PCSK2: variants seen among roughly 807,000 people sequenced by gnomAD.
The protein encoded by PCSK2 is neuroendocrine convertase 2.
Under a neutral mutation model 69.7 loss-of-function variants are expected in PCSK2, and 14 were observed. That is an observed-to-expected ratio of 0.20 (90% CI 0.13 to 0.31). The LOEUF (loss-of-function observed/expected upper bound fraction) is 0.31. Ranked by LOEUF, PCSK2 falls within the 10% of genes least tolerant of loss-of-function variation. The pLI, the probability that PCSK2 is intolerant of heterozygous loss-of-function variation, is 1.00. For missense variants in PCSK2, 544 were observed against 842.5 expected (o/e 0.65, Z 4.39); for synonymous variants, 307 against 320.7 (o/e 0.96, Z 0.46).
At chr20:17,251,472 C>T (rs1986976696) in intron 1 of PCSK2, among the ~76,000 whole-genome samples, 1 of 152,160 alleles carries the variant, frequency 6.6e-6, no homozygotes, top group Non-Finnish European at 1.5e-5. Flanking sequence ...GTTGGCTATG[C>T]CTTGAAGATC....
chr20:17,465,965 G>A (rs965293400), intron 11 of PCSK2, among the ~76,000 whole-genome samples: 4 of 152,106 alleles, frequency 2.6e-5, no homozygotes, highest in Non-Finnish European at 4.4e-5. Flanking sequence ...CACAATCCTC[G>A]GCCTGGATTT....
At chr20:17,444,372 T>C (rs936290851) in intron 8 of PCSK2, among the ~76,000 whole-genome samples, 2 of 152,246 alleles carry the variant, frequency 1.3e-5, no homozygotes, top group Non-Finnish European at 2.9e-5. Flanking sequence ...AAACATCACC[T>C]ACCTGACTCC....
chr20:17,381,788 G>A (rs1040498361), intron 5 of PCSK2, among the ~76,000 whole-genome samples: 1 of 152,046 alleles, frequency 6.6e-6, no homozygotes, highest in Non-Finnish European at 1.5e-5. Context: ...CACCCCACAA[G>A]CATACACACA....
chr20:17,335,177 A>G (rs527521763), intron 2 of PCSK2, among the ~76,000 whole-genome samples: 1 of 120,164 alleles, frequency 8.3e-6, no homozygotes, highest in Non-Finnish European at 1.8e-5. Flanking sequence ...ACTTGCAGTC[A>G]GACGGCAGCG....
Position 17,227,286 on chromosome 20 carries a change from C to G in PCSK2, c.-20C>G, listed in dbSNP as rs1985954462. On this transcript the variant is annotated 5_prime_UTR_variant, in exon 1 of 12. Coordinates refer to ENST00000262545, the MANE Select transcript of PCSK2 (RefSeq NM_002594.5). Reference sequence around the variant, plus strand: ...CCAGCCTGCGCGCCTCCTAGCACCACTTTTCACTCCCAAAGAAGGATGAAG... The same window carrying G: ...CCAGCCTGCGCGCCTCCTAGCACCAGTTTTCACTCCCAAAGAAGGATGAAG... 1 of 1,611,448 alleles carries G rather than the reference C, an allele frequency of 6.2e-7. No individual in the cohort carries two copies. Among genetic ancestry groups the G allele is most frequent in the Non-Finnish European group, 8.5e-7 (1 of 1,178,454 alleles).
chr20:17,403,855 G>A (rs531077144), intron 5 of PCSK2, among the ~76,000 whole-genome samples: 15 of 152,262 alleles, frequency 9.9e-5, no homozygotes, highest in Admixed American at 4.6e-4. Context: ...CCTTGAGGTC[G>A]GGTTTGTGCA....
intron 1 of PCSK2, among the ~76,000 whole-genome samples, chr20:17,259,387 G>C (rs1987293541): frequency 6.6e-6 from 1 of 152,190 alleles, no homozygotes; most frequent in Non-Finnish European, 1.5e-5. Flanking sequence ...AAAAGGGAGA[G>C]ATCTGGGAAC....
At chr20:17,242,608 C>A (rs922035373) in intron 1 of PCSK2, among the ~76,000 whole-genome samples, 1 of 152,170 alleles carries the variant, frequency 6.6e-6, no homozygotes, top group Non-Finnish European at 1.5e-5. Flanking sequence ...ATTGGTCTCT[C>A]GTTCTAAATG....
At chr20:17,322,188 T>C (rs1270042759) in intron 2 of PCSK2, among the ~76,000 whole-genome samples, 2 of 152,160 alleles carry the variant, frequency 1.3e-5, no homozygotes, top group Non-Finnish European at 2.9e-5. Flanking sequence ...TAATGGAGAA[T>C]GGTTTTAGGG....
chr20:17,324,075 AC>A (rs537611114), intron 2 of PCSK2, among the ~76,000 whole-genome samples: 73 of 152,330 alleles, frequency 4.8e-4, no homozygotes, highest in African/African-American at 1.5e-3. Flanking sequence ...TGTTTTCTGT[AC>A]TATTCCCAGA....
At chr20:17,319,459 A>G (rs532508043) in intron 2 of PCSK2, among the ~76,000 whole-genome samples, 1 of 152,154 alleles carries the variant, frequency 6.6e-6, no homozygotes, top group African/African-American at 2.4e-5. Flanking sequence ...TGGGAGGTGC[A>G]AGGGATTGGG....
intron 6 of PCSK2, among the ~76,000 whole-genome samples, 174 bp from the exon 7 acceptor site, chr20:17,429,261 A>G (rs1295082763): frequency 6.6e-6 from 1 of 152,096 alleles, no homozygotes; most frequent in East Asian, 1.9e-4. Flanking sequence ...TTTGCTCAGC[A>G]CTTTAAGTCT....
chr20:17,403,175 T>C (rs1309640897), intron 5 of PCSK2, among the ~76,000 whole-genome samples: 1 of 152,234 alleles, frequency 6.6e-6, no homozygotes, highest in Non-Finnish European at 1.5e-5. Flanking sequence ...GAAAATTATA[T>C]GACCCTGGCA....
chr20:17,278,712 A>G (rs1324156532), intron 2 of PCSK2, among the ~76,000 whole-genome samples: 4 of 152,110 alleles, frequency 2.6e-5, no homozygotes, highest in African/African-American at 9.7e-5. Context: ...CTAAAACTTA[A>G]AGTATAATAA....
intron 1 of PCSK2, among the ~76,000 whole-genome samples, chr20:17,259,970 G>A (rs6111474): frequency 0.32 from 49,399 of 152,010 alleles, 8,769 homozygotes; most frequent in Middle Eastern, 0.46. Context: ...GGAATCAAAG[G>A]ATGTGCAGAA....
chr20:17,327,100 T>C (rs946790996), intron 2 of PCSK2, among the ~76,000 whole-genome samples: 5 of 152,206 alleles, frequency 3.3e-5, no homozygotes, highest in Non-Finnish European at 7.3e-5. Flanking sequence ...TAACACAATG[T>C]AAACAGGCTA....
In PCSK2 at chr20:17,369,288, G is replaced by A. The variant is rs779270231; in HGVS notation, c.543+11G>A. On this transcript the variant is annotated intron_variant, in intron 5 of 11. Transcript: ENST00000262545. ...CTGGCCTCCAACTATGTAAGTACAA[G>A]CCAACTTTGGTGGGGAAACAGATGC... 6.2e-7 allele frequency: 1 copy of A among 1,612,334 alleles called. No individual in the cohort carries two copies. The highest frequency in any genetic ancestry group is 2.2e-5 in the East Asian group (1 of 44,846).
chr20:17,466,272 T>A (rs1432706234), intron 11 of PCSK2, among the ~76,000 whole-genome samples: 1 of 152,212 alleles, frequency 6.6e-6, no homozygotes, highest in Non-Finnish European at 1.5e-5. Context: ...TGTTCCATAC[T>A]TACTAGAATC....
chr20:17,269,392 G>A (rs140349009), intron 2 of PCSK2, among the ~76,000 whole-genome samples: 10 of 152,236 alleles, frequency 6.6e-5, no homozygotes, highest in African/African-American at 2.4e-4. Flanking sequence ...TCTAGAAACA[G>A]GATCAGAGGT....
Sources: allele counts gnomAD v4.1 joint callset (sites outside exome capture counted in the v4.1 genomes callset), GRCh38; gene constraint gnomAD v4.1.1; transcripts MANE v1.5; gene names NCBI Gene and HGNC (gene_info 2026-07-23, HGNC 2026-07-21).